The following TASP1 variants were observed in gnomAD, a reference collection of about 807,000 sequenced individuals.
TASP1 encodes the protein threonine aspartase 1.
TASP1 carries 16 observed loss-of-function variants against 56.6 expected under a neutral mutation model. The ratio of observed to expected loss-of-function variants is 0.28; its 90% CI spans 0.19 to 0.43. The LOEUF (loss-of-function observed/expected upper bound fraction) is 0.43, where lower values mean the gene tolerates loss of function less well. TASP1 is among the 20% of genes least tolerant of loss of function. TASP1 has a pLI of 1.00. For synonymous variants in TASP1, 179 were observed against 184.2 expected (o/e 0.97, Z 0.23); for missense variants, 393 against 511.6 (o/e 0.77, Z 2.24).
the TASP1 span, among the ~76,000 whole-genome samples, chr20:13,264,301 C>A: frequency 6.6e-6 from 1 of 152,162 alleles, no homozygotes; most frequent in Non-Finnish European, 1.5e-5. Context: ...TCCTAGACAG[C>A]CACAATTTGT....
chr20:13,355,268 T>C, the TASP1 span, among the ~76,000 whole-genome samples: 2 of 152,222 alleles, frequency 1.3e-5, no homozygotes, highest in Admixed American at 6.5e-5. Flanking sequence ...CATATGTTAT[T>C]TTAAAAAAAC....
the TASP1 span, among the ~76,000 whole-genome samples, chr20:13,233,168 C>T: frequency 2.6e-5 from 4 of 152,158 alleles, no homozygotes; most frequent in Admixed American, 6.5e-5. Context: ...AAATAGATTT[C>T]GTATCTCCTG....
intron 6 of TASP1, among the ~76,000 whole-genome samples, chr20:13,577,371 T>A (rs993214310): frequency 2.0e-5 from 3 of 152,196 alleles, no homozygotes; most frequent in Non-Finnish European, 2.9e-5. Context: ...GTAATCTTTT[T>A]AAGAAAACAG....
Position 13,589,214 on chromosome 20 carries a change from T to C in TASP1, c.283-1844A>G, listed in dbSNP as rs372334346. On this transcript the variant is annotated intron_variant, in intron 4 of 13. Coordinates refer to ENST00000337743, the MANE Select transcript of TASP1 (RefSeq NM_017714.3). ...GTGGGACTACAGCCACCCACTACCA[T>C]GCCCAGCTAATTTTTTGTATTTTTA... is the stretch of plus-strand genomic sequence containing the variant. 3.3e-5 allele frequency among the ~76,000 whole-genome samples: 5 copies of C among 151,924 alleles called. No individual in the cohort carries two copies. In the East Asian group the frequency reaches 9.7e-4, roughly 29 times the overall value.
the TASP1 span, among the ~76,000 whole-genome samples, chr20:13,128,891 T>C: frequency 2.2e-5 from 3 of 134,678 alleles, no homozygotes; most frequent in Non-Finnish European, 5.0e-5. Context: ...TTTTTTTTTT[T>C]TGGAGACAGA....
downstream of TASP1, among the ~76,000 whole-genome samples, chr20:13,387,515 A>G (rs2123540988): frequency 6.6e-6 from 1 of 152,236 alleles, no homozygotes; most frequent in East Asian, 1.9e-4. Context: ...ATGGCTGCAT[A>G]GTATTCCATG....
chr20:13,446,404 T>C (rs922452937), intron 11 of TASP1, among the ~76,000 whole-genome samples: 2 of 152,098 alleles, frequency 1.3e-5, no homozygotes, highest in Non-Finnish European at 2.9e-5. Context: ...ATCTTGACTA[T>C]CCCATGACAA....
intron 5 of TASP1, among the ~76,000 whole-genome samples, chr20:13,581,803 G>A (rs2047135376): frequency 6.6e-6 from 1 of 152,184 alleles, no homozygotes; most frequent in Non-Finnish European, 1.5e-5. Flanking sequence ...TATCGGATGA[G>A]TTAGCTGATC....
chr20:13,346,960 A>G, the TASP1 span, among the ~76,000 whole-genome samples: 1 of 152,250 alleles, frequency 6.6e-6, no homozygotes, highest in Non-Finnish European at 1.5e-5. Context: ...GTGAAACATG[A>G]ATTAGCTAAA....
the TASP1 span, among the ~76,000 whole-genome samples, chr20:13,325,535 A>G: frequency 1.3e-5 from 2 of 152,266 alleles, no homozygotes; most frequent in Non-Finnish European, 2.9e-5. Flanking sequence ...CCTTTCCCCA[A>G]CTTGTTTCCT....
chr20:13,247,682 G>A, the TASP1 span, among the ~76,000 whole-genome samples: 5 of 152,104 alleles, frequency 3.3e-5, no homozygotes, highest in Admixed American at 6.6e-5. Flanking sequence ...CAGCCAAGTC[G>A]TGTTTGCACC....
intron 13 of TASP1, among the ~76,000 whole-genome samples, chr20:13,394,310 A>T (rs989583314): frequency 2.7e-5 from 4 of 146,010 alleles, no homozygotes; most frequent in African/African-American, 1.0e-4. Context: ...TCCCTCTCAA[A>T]AAAAAAAAAA....
chr20:13,596,961 T>A (rs556107101), intron 4 of TASP1, among the ~76,000 whole-genome samples: 1 of 152,044 alleles, frequency 6.6e-6, no homozygotes, highest in South Asian at 2.1e-4. Flanking sequence ...TGGACACACA[T>A]ACCCTCCCAA....
intron 2 of TASP1, among the ~76,000 whole-genome samples, chr20:13,626,520 C>T (rs560833764): frequency 1.3e-5 from 2 of 152,300 alleles, no homozygotes; most frequent in Non-Finnish European, 2.9e-5. Flanking sequence ...TACAGGTCTG[C>T]AGACTCTGAC....
chr20:13,362,838 T>TATATATATATATATATATATATATATATA, the TASP1 span, among the ~76,000 whole-genome samples: 29 of 145,158 alleles, frequency 2.0e-4, no homozygotes, highest in African/African-American at 2.8e-4. Flanking sequence ...TATATATATA[T>TATATATATATATATATATATATATATATA]TTGTCTCTCC....
the TASP1 span, among the ~76,000 whole-genome samples, chr20:13,241,611 C>T: frequency 6.6e-6 from 1 of 152,148 alleles, no homozygotes; most frequent in Admixed American, 6.5e-5. Context: ...CATCTCATGA[C>T]TCCTGTTCCA....
In TASP1 at chr20:13,534,148, A is replaced by G. The variant is rs773746010; in HGVS notation, c.676-7T>C. ...AAGTGCCTGAGTCATTTTCCTGCAGAGCAAAAGTGGCACAAGTATTCACTA... is the reference window on the plus strand; with the variant it reads ...AAGTGCCTGAGTCATTTTCCTGCAGGGCAAAAGTGGCACAAGTATTCACTA... On this transcript the variant is annotated splice_polypyrimidine_tract_variant and splice_region_variant and intron_variant, in intron 8 of 13. Coordinates refer to ENST00000337743, the MANE Select transcript of TASP1 (RefSeq NM_017714.3). The G allele has an allele frequency of 6.2e-7, 1 of 1,613,180 alleles. No homozygotes were observed. Among genetic ancestry groups the G allele is most frequent in the Non-Finnish European group, 8.5e-7 (1 of 1,179,524 alleles).
At chr20:13,444,989 A>AAGAGG (rs1215218617) in intron 11 of TASP1, among the ~76,000 whole-genome samples, 2 of 152,198 alleles carry the variant, frequency 1.3e-5, no homozygotes, top group African/African-American at 4.8e-5. Flanking sequence ...TTAACTTTTA[A>AAGAGG]AGAGGAGAGG....
chr20:13,172,754 A>T, the TASP1 span, among the ~76,000 whole-genome samples: 1 of 152,190 alleles, frequency 6.6e-6, no homozygotes. Context: ...CAGAAAGTTT[A>T]CTTCAGTACC....
Sources: gnomAD v4.1 joint callset for allele counts (sites outside exome capture counted in the v4.1 genomes callset) on GRCh38, gnomAD v4.1.1 for gene constraint, MANE v1.5 for transcripts, NCBI Gene and HGNC (gene_info 2026-07-23, HGNC 2026-07-21) for gene names.